Variants in VAV3 observed in about 807,000 individuals in gnomAD.
VAV3 encodes guanine nucleotide exchange factor VAV3.
Under a neutral mutation model 131.2 loss-of-function variants are expected in VAV3, and 94 were observed. The ratio of observed to expected loss-of-function variants is 0.72; its 90% CI spans 0.61 to 0.85. The LOEUF (loss-of-function observed/expected upper bound fraction) is 0.85. Among genes scored for constraint, VAV3 ranks in the 40% least tolerant of loss-of-function variants. The probability of loss-of-function intolerance (pLI) is 0.00; values close to 1 mark genes in which losing one functional copy is unlikely to be tolerated. For missense variants in VAV3, 939 were observed against 1,002.7 expected (o/e 0.94, Z 0.86); for synonymous variants, 349 against 342.0 (o/e 1.02, Z -0.22).
chr1:107,881,863 GA>G (rs1333508490), intron 1 of VAV3, among the ~76,000 whole-genome samples: 2 of 152,098 alleles, frequency 1.3e-5, no homozygotes, highest in African/African-American at 4.8e-5. Flanking sequence ...TAGCAATATT[GA>G]CGCTTAAAAA....
chr1:107,816,959 T>G (rs906884632), intron 2 of VAV3, among the ~76,000 whole-genome samples: 1 of 152,220 alleles, frequency 6.6e-6, no homozygotes, highest in African/African-American at 2.4e-5. Context: ...GGCTTTAGCC[T>G]GGGTCTCTGG....
At chr1:107,620,799 T>A (rs1373915409) in intron 20 of VAV3, among the ~76,000 whole-genome samples, 1 of 152,156 alleles carries the variant, frequency 6.6e-6, no homozygotes, top group African/African-American at 2.4e-5. Flanking sequence ...GAGATGAATT[T>A]TTTAGCTGAT....
chr1:107,636,935 T>A (rs1188895897), intron 20 of VAV3, among the ~76,000 whole-genome samples: 2 of 151,940 alleles, frequency 1.3e-5, no homozygotes, highest in African/African-American at 4.8e-5. Flanking sequence ...CTTAACGAAC[T>A]AGCAAAAGAA....
chr1:107,953,270 A>G (rs1372253223), intron 1 of VAV3, among the ~76,000 whole-genome samples: 1 of 152,188 alleles, frequency 6.6e-6, no homozygotes, highest in Non-Finnish European at 1.5e-5. Context: ...TTCCTGTCTC[A>G]TAGACATGAG....
chr1:107,904,327 G>A (rs150861820), intron 1 of VAV3, among the ~76,000 whole-genome samples: 17 of 152,234 alleles, frequency 1.1e-4, no homozygotes, highest in East Asian at 7.7e-4. Flanking sequence ...TCCAGCAGGC[G>A]GGTACCAAAC....
At chr1:107,945,152 G>T (rs929766093) in intron 1 of VAV3, among the ~76,000 whole-genome samples, 2 of 152,074 alleles carry the variant, frequency 1.3e-5, no homozygotes, top group African/African-American at 4.8e-5. Flanking sequence ...AAGAATGCTG[G>T]CTAAGATGAA....
rs146223157 is a variant in VAV3 at position 107,632,901 on chromosome 1, TCTC to T, written c.1914+9715_1914+9717del. On this transcript the variant is annotated intron_variant, in intron 20 of 26. Coordinates refer to ENST00000370056, the MANE Select transcript of VAV3 (RefSeq NM_006113.5). ...CATGGGTTCTCATTTCTCCTATGAT[TCTC>T]CTAAGTGTCTCCAAAACCATTCTAA... 5.2e-4 allele frequency among the ~76,000 whole-genome samples: 79 copies of T among 152,312 alleles called. 1 individual carries two copies. The East Asian group carries it at 0.012, about 23-fold the overall frequency.
chr1:107,794,561 C>T (rs535873287), intron 2 of VAV3, among the ~76,000 whole-genome samples: 1 of 152,256 alleles, frequency 6.6e-6, no homozygotes, highest in South Asian at 2.1e-4. Context: ...TAAGTCTTTG[C>T]TGTCTTAAGG....
intron 2 of VAV3, among the ~76,000 whole-genome samples, chr1:107,861,142 A>G (rs1669717866): frequency 6.6e-6 from 1 of 151,588 alleles, no homozygotes; most frequent in African/African-American, 2.4e-5. Context: ...AGGGATTCCA[A>G]CCATGAATCC....
intron 2 of VAV3, among the ~76,000 whole-genome samples, chr1:107,789,049 C>G (rs1463618802): frequency 6.6e-6 from 1 of 152,190 alleles, no homozygotes; most frequent in Non-Finnish European, 1.5e-5. Context: ...CTGTAACTTT[C>G]ACATGAACTC....
chr1:107,647,244 G>A (rs1242540785), intron 19 of VAV3, among the ~76,000 whole-genome samples: 1 of 149,700 alleles, frequency 6.7e-6, no homozygotes, highest in Non-Finnish European at 1.5e-5. Context: ...TAAATGGGCT[G>A]TAGGTAATAT....
chr1:107,689,730 G>T (rs1168336742), intron 17 of VAV3, among the ~76,000 whole-genome samples: 1 of 152,114 alleles, frequency 6.6e-6, no homozygotes, highest in Non-Finnish European at 1.5e-5. Context: ...TGGACAAAAA[G>T]TTACTTCATT....
At chr1:107,817,274 GCTTGC>G (rs1455976884) in intron 2 of VAV3, among the ~76,000 whole-genome samples, 1 of 152,130 alleles carries the variant, frequency 6.6e-6, no homozygotes, top group Non-Finnish European at 1.5e-5. Flanking sequence ...TGCATGCTGG[GCTTGC>G]AGAGAGAGAG....
At chr1:107,625,649 G>A (rs913597911) in intron 20 of VAV3, among the ~76,000 whole-genome samples, 2 of 152,032 alleles carry the variant, frequency 1.3e-5, no homozygotes, top group Non-Finnish European at 2.9e-5. Flanking sequence ...AGTGTGAAGC[G>A]GTCTATTTTC....
chr1:107,953,696 T>G (rs1674663355), intron 1 of VAV3, among the ~76,000 whole-genome samples: 1 of 152,150 alleles, frequency 6.6e-6, no homozygotes, highest in Admixed American at 6.5e-5. Flanking sequence ...ACTCCTGACC[T>G]TAAGTGTTCC....
chr1:107,678,989 T>C (rs1658417611), intron 19 of VAV3, among the ~76,000 whole-genome samples: 1 of 152,182 alleles, frequency 6.6e-6, no homozygotes. Context: ...TCTATATCTA[T>C]TCCTTTCCTA....
chr1:107,740,872 A>C (rs1300667410), intron 15 of VAV3, among the ~76,000 whole-genome samples: 2 of 152,244 alleles, frequency 1.3e-5, no homozygotes, highest in Non-Finnish European at 2.9e-5. Flanking sequence ...GACAGATACC[A>C]TATGGCCCAC....
rs147043041 is a variant in VAV3, at chr1:107,682,128, C to T, written c.1777+1360G>A. Among the ~76,000 whole-genome samples, 23 of 152,252 alleles carry T rather than the reference C, an allele frequency of 1.5e-4. No homozygotes were observed. In the East Asian group the frequency reaches 4.4e-3, roughly 29 times the overall value. On this transcript the variant is annotated intron_variant, in intron 19 of 26. Coordinates refer to ENST00000370056, the MANE Select transcript of VAV3 (RefSeq NM_006113.5). ...ATAAATCTGTTTTATTGTTGTTCTACTTTGCCATATTTCTAATCTGGGAAT... is the reference window on the plus strand; with the variant it reads ...ATAAATCTGTTTTATTGTTGTTCTATTTTGCCATATTTCTAATCTGGGAAT...
intron 1 of VAV3, among the ~76,000 whole-genome samples, chr1:107,909,116 T>C (rs1672248918): frequency 6.6e-6 from 1 of 152,224 alleles, no homozygotes; most frequent in Non-Finnish European, 1.5e-5. Flanking sequence ...GAGTAATTCA[T>C]GTGTTGCCTT....
Sources: gnomAD v4.1 joint callset for allele counts (sites outside exome capture counted in the v4.1 genomes callset) on GRCh38, gnomAD v4.1.1 for gene constraint, MANE v1.5 for transcripts, NCBI Gene and HGNC (gene_info 2026-07-23, HGNC 2026-07-21) for gene names.